The following KCNAB1 variants were observed in gnomAD, a reference collection of about 807,000 sequenced individuals.
KCNAB1 encodes potassium voltage-gated channel subfamily A regulatory beta subunit 1.
Under a neutral mutation model 64.6 loss-of-function variants are expected in KCNAB1, and 35 were observed. That is an observed-to-expected ratio of 0.54 (90% confidence interval 0.41 to 0.72). The LOEUF is 0.72. Among genes scored for constraint, KCNAB1 ranks in the 30% least tolerant of loss-of-function variants. KCNAB1 has a pLI of 0.00. For synonymous variants in KCNAB1, 177 were observed against 183.8 expected, an observed-to-expected ratio of 0.96 and a Z score of 0.30; for missense variants, 401 against 512.9, an observed-to-expected ratio of 0.78 and a Z score of 2.11.
At chr3:156,361,320 G>A (rs112981403) in intron 1 of KCNAB1, among the ~76,000 whole-genome samples, 86 of 152,132 alleles carry the variant, frequency 5.7e-4, no homozygotes, top group African/African-American at 2.0e-3. Context: ...CATCTCATAG[G>A]GCAGGTTTTC....
At chr3:156,214,080 G>A (rs1372391737) in intron 1 of KCNAB1, among the ~76,000 whole-genome samples, 2 of 152,200 alleles carry the variant, frequency 1.3e-5, no homozygotes, top group Admixed American at 6.5e-5. Flanking sequence ...CCAACTCCAC[G>A]GGGACAGATA....
At chr3:156,294,216 C>T (rs1465878687) in intron 1 of KCNAB1, among the ~76,000 whole-genome samples, 1 of 152,184 alleles carries the variant, frequency 6.6e-6, no homozygotes, top group African/African-American at 2.4e-5. Flanking sequence ...GCTTGGGCAC[C>T]TTTCATTACT....
intron 5 of KCNAB1, among the ~76,000 whole-genome samples, chr3:156,461,499 A>G (rs968359354): frequency 6.6e-6 from 1 of 152,188 alleles, no homozygotes; most frequent in African/African-American, 2.4e-5. Context: ...CAGTGATCCT[A>G]TTTCCAAATA....
chr3:156,150,122 G>T (rs1377202391), intron 1 of KCNAB1, among the ~76,000 whole-genome samples: 1 of 152,190 alleles, frequency 6.6e-6, no homozygotes, highest in Non-Finnish European at 1.5e-5. Flanking sequence ...GAGGAAAGTA[G>T]ATGACACCAA....
At chr3:156,505,525 AT>A (rs1386569578) in intron 8 of KCNAB1, among the ~76,000 whole-genome samples, 1 of 152,126 alleles carries the variant, frequency 6.6e-6, no homozygotes, top group East Asian at 1.9e-4. Context: ...AACTCTTCCA[AT>A]TTGTGAACAT....
intron 1 of KCNAB1, among the ~76,000 whole-genome samples, chr3:156,234,967 T>C (rs1273394527): frequency 6.6e-6 from 1 of 152,212 alleles, no homozygotes; most frequent in Non-Finnish European, 1.5e-5. Flanking sequence ...GTTTTAAATT[T>C]CTTCATGTGA....
At chr3:156,329,396 G>A (rs1168707006) in intron 1 of KCNAB1, among the ~76,000 whole-genome samples, 2 of 152,096 alleles carry the variant, frequency 1.3e-5, no homozygotes, top group African/African-American at 4.8e-5. Context: ...AATTCTTCAA[G>A]TCCAAGAAAA....
intron 1 of KCNAB1, among the ~76,000 whole-genome samples, chr3:156,223,712 C>G (rs1301408940): frequency 6.6e-6 from 1 of 152,152 alleles, no homozygotes; most frequent in East Asian, 1.9e-4. Flanking sequence ...AGACCCTGAG[C>G]TAGACACAGG....
At chr3:156,148,996 C>T (rs561792880) in intron 1 of KCNAB1, among the ~76,000 whole-genome samples, 2 of 152,166 alleles carry the variant, frequency 1.3e-5, no homozygotes, top group East Asian at 3.9e-4. Context: ...CGATGTAATA[C>T]GAAGGTATCT....
At chr3:156,539,092 C>T (rs186420915), downstream of KCNAB1, 7 of 152,178 alleles carry the variant, frequency 4.6e-5, no homozygotes, top group East Asian at 7.7e-4. Context: ...TTTTCTCTTC[C>T]AAAAAGAATT....
rs908790946 is a variant in KCNAB1, at chr3:156,508,834, G to A, written c.659-5530G>A. Among the ~76,000 whole-genome samples the A allele has an allele frequency of 8.5e-5, 13 of 152,328 alleles. No individual in the cohort carries two copies. The highest frequency in any genetic ancestry group is 1.3e-4 in the Admixed American group (2 of 15,304). The stretch of plus-strand genomic sequence containing the variant: ...AGTATGTACGAGAGCTGCCTGTGGC[G>A]GGTGAGCGCTGGGGAGGCATCATTA... On this transcript the variant is annotated intron_variant, in intron 8 of 13. Transcript: ENST00000490337. This position sits in a 1 kb window ranked among gnomAD's most constrained non-coding sequence, Gnocchi z 4.1.
intron 1 of KCNAB1, among the ~76,000 whole-genome samples, chr3:156,308,647 T>A (rs1411129231): frequency 1.3e-5 from 2 of 152,236 alleles, no homozygotes; most frequent in African/African-American, 4.8e-5. Flanking sequence ...CACTGCCACT[T>A]ATACGTTCTT....
chr3:156,305,756 G>C (rs575883968), intron 1 of KCNAB1, among the ~76,000 whole-genome samples: 1 of 152,322 alleles, frequency 6.6e-6, no homozygotes, highest in Admixed American at 6.5e-5. Flanking sequence ...ACAGAGACAG[G>C]AGTCAAGGAT....
Position 156,423,921 on chromosome 3 carries a change from C to G in KCNAB1, c.319+2262C>G, listed in dbSNP as rs182567482. 2.0e-5 allele frequency among the ~76,000 whole-genome samples: 3 copies of G among 151,996 alleles called. No individual in the cohort carries two copies. In the East Asian group the frequency reaches 5.8e-4, roughly 29 times the overall value. On this transcript the variant is annotated intron_variant, in intron 2 of 13. Transcript: ENST00000490337. ...CAGAGGGACTAAAGAATTGTTGAAG[C>G]AAAAACATTAGAGACAGTGGTTGGA...
intron 7 of KCNAB1, among the ~76,000 whole-genome samples, chr3:156,469,359 C>A (rs142149582): frequency 2.0e-5 from 3 of 148,574 alleles, no homozygotes; most frequent in African/African-American, 7.5e-5. Context: ...AGGGTTCAAG[C>A]GATTCTCTTG....
intron 1 of KCNAB1, among the ~76,000 whole-genome samples, chr3:156,371,817 G>A (rs1324117627): frequency 6.6e-6 from 1 of 152,114 alleles, no homozygotes; most frequent in Non-Finnish European, 1.5e-5. Flanking sequence ...TGTAATATAA[G>A]CAGAGCCCAA....
In KCNAB1 at chr3:156,538,303, CG is replaced by C. The variant is rs1719205203; in HGVS notation, c.*1557del. The C allele has an allele frequency of 2.3e-5, 1 of 44,130 alleles. No individual in the cohort carries two copies. The highest frequency in any genetic ancestry group is 4.4e-5 in the Non-Finnish European group (1 of 22,828). 2.7% of individuals were successfully genotyped at this position (44,130 alleles called of 1,614,324 possible). A position where few individuals can be genotyped will look rare whatever the true frequency, so the allele number is the denominator to read the frequency against. Reference sequence around the variant, plus strand: ...AGAACTGTAATATTATTTTAAAATGCGATTTTTCTGTCATTAGTTCTAGATA... The same window carrying C: ...AGAACTGTAATATTATTTTAAAATGCATTTTTCTGTCATTAGTTCTAGATA... On this transcript the variant is annotated 3_prime_UTR_variant, in exon 14 of 14. Transcript: ENST00000490337.
intron 2 of KCNAB1, among the ~76,000 whole-genome samples, chr3:156,438,282 C>T (rs1716727709): frequency 6.6e-6 from 1 of 152,198 alleles, no homozygotes; most frequent in African/African-American, 2.4e-5. Context: ...CAAGCACAGC[C>T]AGAGAGCAGG....
At chr3:156,195,377 G>A (rs566694391) in intron 1 of KCNAB1, among the ~76,000 whole-genome samples, 3 of 152,298 alleles carry the variant, frequency 2.0e-5, no homozygotes, top group Admixed American at 6.5e-5. Flanking sequence ...TTCCACAATG[G>A]TTGAACTAAC....
Sources: allele counts gnomAD v4.1 joint callset (sites outside exome capture counted in the v4.1 genomes callset), GRCh38; gene constraint gnomAD v4.1.1; non-coding constraint Gnocchi (gnomAD v3.1); transcripts MANE v1.5; gene names NCBI Gene and HGNC (gene_info 2026-07-23, HGNC 2026-07-21).